MLLT3: variants seen among roughly 807,000 people sequenced by gnomAD.
MLLT3 encodes MLLT3 super elongation complex subunit, also known as protein AF-9.
MLLT3 carries 4 observed loss-of-function variants against 53.2 expected under a neutral mutation model. The observed-to-expected ratio is 0.08, with a 90% CI of 0.04 to 0.17. The LOEUF is 0.17. MLLT3 is among the 10% of genes least tolerant of loss of function. The pLI, the probability that MLLT3 is intolerant of heterozygous loss-of-function variation, is 1.00. For synonymous variants in MLLT3, 283 were observed against 230.6 expected, an observed-to-expected ratio of 1.23 and a Z score of -2.06; for missense variants, 569 against 684.0, an observed-to-expected ratio of 0.83 and a Z score of 1.87.
chr9:20,412,020 T>G (rs1375941147), intron 5 of MLLT3: 1 of 152,234 alleles, frequency 6.6e-6, no homozygotes, highest in Non-Finnish European at 1.5e-5. Flanking sequence ...TTTTCTGATT[T>G]TTTTAATGCT....
At chr9:20,410,814 T>C (rs1483583859) in intron 5 of MLLT3, 1 of 152,186 alleles carries the variant, frequency 6.6e-6, no homozygotes, top group Non-Finnish European at 1.5e-5. Flanking sequence ...ATAAGACCTA[T>C]ACTGAGGCGA....
intron 10 of MLLT3, among the ~76,000 whole-genome samples, chr9:20,350,507 A>G: frequency 6.7e-6 from 1 of 149,380 alleles, no homozygotes; most frequent in Non-Finnish European, 1.5e-5. Context: ...AGGCAGGAGA[A>G]TGGCGTGAAC....
At chr9:20,370,634 C>T (rs1821575431) in intron 5 of MLLT3, among the ~76,000 whole-genome samples, 2 of 152,046 alleles carry the variant, frequency 1.3e-5, no homozygotes, top group African/African-American at 4.8e-5. Context: ...CCTCAGCCTC[C>T]CGAGTAGCTG....
chr9:20,400,771 T>C (rs79975411), intron 5 of MLLT3, among the ~76,000 whole-genome samples: 151 of 152,264 alleles, frequency 9.9e-4, no homozygotes, highest in Non-Finnish European at 1.7e-3. Flanking sequence ...ATTTGGTACT[T>C]AGTCCATACA....
chr9:20,452,831 G>T lies in MLLT3; in HGVS notation c.276+3873C>A, dbSNP rs184412615. On this transcript the variant is annotated intron_variant, in intron 3 of 10. Transcript: ENST00000380338. Reference sequence around the variant, plus strand: ...AAGATTTTAAATTCATAAAATCAGAGACTGGAACGGTGGTTACCATGGGCT... The same window carrying T: ...AAGATTTTAAATTCATAAAATCAGATACTGGAACGGTGGTTACCATGGGCT... 1.2e-3 allele frequency among the ~76,000 whole-genome samples: 180 copies of T among 152,284 alleles called. 1 individual carries two copies. The highest frequency in any genetic ancestry group is 2.2e-3 in the Non-Finnish European group (153 of 68,022).
Position 20,509,120 on chromosome 9 carries a change from G to A in MLLT3, c.194-52334C>T, listed in dbSNP as rs185162678. ...TGATGTATGTACAATGCCCACAACC[G>A]TTTACATTCCATGAAGATCTAATGA... On this transcript the variant is annotated intron_variant, in intron 2 of 10. Coordinates refer to ENST00000380338, the MANE Select transcript of MLLT3 (RefSeq NM_004529.4). Among the ~76,000 whole-genome samples the A allele has an allele frequency of 3.8e-3, 579 of 152,198 alleles. 7 individuals are homozygous for A. The highest frequency in any genetic ancestry group is 4.3e-3 in the Non-Finnish European group (293 of 68,002).
At chr9:20,546,303 T>TCCC (rs1421070607) in intron 2 of MLLT3, among the ~76,000 whole-genome samples, 3 of 152,012 alleles carry the variant, frequency 2.0e-5, no homozygotes, top group Non-Finnish European at 4.4e-5. Flanking sequence ...AATAAATAAA[T>TCCC]AAAGGCAGGA....
intron 4 of MLLT3, among the ~76,000 whole-genome samples, chr9:20,432,553 A>C (rs1823297932): frequency 6.6e-6 from 1 of 152,158 alleles, no homozygotes; most frequent in Admixed American, 6.5e-5. Flanking sequence ...CTTTGTCCTA[A>C]TACGTGGAGT....
chr9:20,515,112 A>T (rs1167363849), intron 2 of MLLT3, among the ~76,000 whole-genome samples: 2 of 151,848 alleles, frequency 1.3e-5, no homozygotes, highest in East Asian at 1.9e-4. Context: ...ACGCCCGGCT[A>T]ATTTTTTGTA....
At chr9:20,432,304 T>C (rs892868118) in intron 4 of MLLT3, among the ~76,000 whole-genome samples, 1 of 152,178 alleles carries the variant, frequency 6.6e-6, no homozygotes, top group African/African-American at 2.4e-5. Context: ...GAGACAGAGT[T>C]TGATTATATA....
chr9:20,376,324 TTA>T (rs2118683772), intron 5 of MLLT3, among the ~76,000 whole-genome samples: 1 of 152,322 alleles, frequency 6.6e-6, no homozygotes, highest in African/African-American at 2.4e-5. Flanking sequence ...TCTTGAGTTC[TTA>T]TGTTATCAAA....
At chr9:20,504,855 T>C (rs1045392014) in intron 2 of MLLT3, among the ~76,000 whole-genome samples, 4 of 152,130 alleles carry the variant, frequency 2.6e-5, no homozygotes, top group African/African-American at 9.7e-5. Flanking sequence ...TATGTATAAT[T>C]TTTATTTTTC....
intron 2 of MLLT3, among the ~76,000 whole-genome samples, chr9:20,600,390 T>A (rs939816159): frequency 3.3e-5 from 5 of 152,220 alleles, no homozygotes; most frequent in Non-Finnish European, 7.3e-5. Flanking sequence ...TGGTGCTCAA[T>A]GTTGGCTGAA....
intron 2 of MLLT3, among the ~76,000 whole-genome samples, chr9:20,616,033 T>C (rs1185015937): frequency 6.6e-6 from 1 of 152,182 alleles, no homozygotes; most frequent in Non-Finnish European, 1.5e-5. Context: ...TCCATTTTAA[T>C]TTCTAATACA....
intron 2 of MLLT3, among the ~76,000 whole-genome samples, chr9:20,536,913 A>G (rs1022183639): frequency 1.3e-5 from 2 of 152,142 alleles, no homozygotes; most frequent in African/African-American, 4.8e-5. Context: ...CTACATTTAT[A>G]GACAGCAGCA....
At chr9:20,398,849 C>T (rs1171965639) in intron 5 of MLLT3, among the ~76,000 whole-genome samples, 2 of 152,038 alleles carry the variant, frequency 1.3e-5, no homozygotes, top group African/African-American at 4.8e-5. Context: ...GTCCTTGCTG[C>T]CCCTGTGTTA....
rs554870052 is a variant in MLLT3, at chr9:20,357,166, C to A, written c.1432-2287G>T. 3.3e-5 allele frequency among the ~76,000 whole-genome samples: 5 copies of A among 152,342 alleles called. No homozygotes were observed. In the South Asian group the frequency reaches 8.3e-4, roughly 25 times the overall value. On this transcript the variant is annotated intron_variant, in intron 8 of 10. Transcript: ENST00000380338. ...ACTCTTTTTAATTTCATTCAACATGCCTTGCAGGCTGATAGGTGATTTATG... is the reference window on the plus strand; with the variant it reads ...ACTCTTTTTAATTTCATTCAACATGACTTGCAGGCTGATAGGTGATTTATG...
intron 2 of MLLT3, among the ~76,000 whole-genome samples, chr9:20,619,113 G>A (rs1355645748): frequency 1.3e-5 from 2 of 152,128 alleles, no homozygotes; most frequent in Non-Finnish European, 2.9e-5. Context: ...CCTCATCAGC[G>A]ATAGAAATTT....
intron 2 of MLLT3, among the ~76,000 whole-genome samples, chr9:20,461,059 C>A (rs1456298905): frequency 1.3e-5 from 2 of 152,154 alleles, no homozygotes; most frequent in African/African-American, 4.8e-5. Context: ...TACCCATGTA[C>A]TCCAAGACTC....
Sources: gnomAD v4.1 joint callset for allele counts (sites outside exome capture counted in the v4.1 genomes callset) on GRCh38, gnomAD v4.1.1 for gene constraint, MANE v1.5 for transcripts, NCBI Gene and HGNC (gene_info 2026-07-23, HGNC 2026-07-21) for gene names.